Variants in LINGO2 observed in about 807,000 individuals in gnomAD.
The protein encoded by LINGO2 is leucine rich repeat and Ig domain containing 2.
LINGO2 carries 14 observed loss-of-function variants against 30.6 expected under a neutral mutation model. The ratio of observed to expected loss-of-function variants is 0.46; its 90% CI spans 0.30 to 0.72. LINGO2 has a LOEUF of 0.72. LINGO2 is among the 30% of genes least tolerant of loss of function. The pLI, the probability that LINGO2 is intolerant of heterozygous loss-of-function variation, is 0.07. For missense variants in LINGO2, 729 were observed against 751.7 expected (o/e 0.97, Z 0.35); for synonymous variants, 317 against 288.5 (o/e 1.10, Z -1.00).
chr9:28,955,824 G>A, the LINGO2 span, among the ~76,000 whole-genome samples: 1 of 152,026 alleles, frequency 6.6e-6, no homozygotes, highest in Non-Finnish European at 1.5e-5. Context: ...ATGTATGTAT[G>A]TAGAGATAAG....
At chr9:27,983,501 A>T (rs993424754) in intron 5 of LINGO2, among the ~76,000 whole-genome samples, 1 of 151,922 alleles carries the variant, frequency 6.6e-6, no homozygotes, top group Non-Finnish European at 1.5e-5. Context: ...CCCTGTTGGT[A>T]GGTACCAGAG....
chr9:28,554,526 T>G, intron 1 of LINGO2, among the ~76,000 whole-genome samples: 1 of 146,702 alleles, frequency 6.8e-6, no homozygotes, highest in Admixed American at 6.8e-5. Context: ...ACAAAGAGAC[T>G]TAGACTCCCA....
intron 1 of LINGO2, among the ~76,000 whole-genome samples, chr9:28,652,433 C>T (rs982497817): frequency 2.6e-5 from 4 of 152,080 alleles, no homozygotes; most frequent in Admixed American, 6.6e-5. Context: ...TTCAACAACT[C>T]CAACTTAAGG....
chr9:28,015,142 T>C lies in LINGO2; in HGVS notation c.-86-2737A>G, dbSNP rs140391884. ...AATCGTCCACGCTACTCAGTCCTTA[T>C]TCAAGATCCTTTAACAAAATGGAAA... On this transcript the variant is annotated intron_variant, in intron 4 of 5. Transcript: ENST00000379992. 5.1e-3 allele frequency among the ~76,000 whole-genome samples: 771 copies of C among 152,272 alleles called. 5 individuals are homozygous for C. The highest frequency in any genetic ancestry group is 0.017 in the African/African-American group (719 of 41,568).
the LINGO2 span, among the ~76,000 whole-genome samples, chr9:29,106,140 T>A: frequency 2.6e-5 from 4 of 152,180 alleles, no homozygotes; most frequent in African/African-American, 9.6e-5. Context: ...GGGATCAAGT[T>A]TTTATACTTT....
the LINGO2 span, among the ~76,000 whole-genome samples, chr9:29,006,652 T>C: frequency 3.3e-5 from 5 of 152,238 alleles, no homozygotes; most frequent in South Asian, 1.0e-3. Flanking sequence ...CTTTTTCTTG[T>C]AGCAACAGCA....
chr9:28,645,830 G>C (rs2135952115), intron 1 of LINGO2, among the ~76,000 whole-genome samples: 1 of 152,102 alleles, frequency 6.6e-6, no homozygotes, highest in Middle Eastern at 3.4e-3. Context: ...CCTTCAGCTG[G>C]CTTCAGAAGT....
At chr9:28,272,332 C>A (rs1046550408) in intron 4 of LINGO2, among the ~76,000 whole-genome samples, 1 of 151,934 alleles carries the variant, frequency 6.6e-6, no homozygotes, top group Non-Finnish European at 1.5e-5. Context: ...AGCCTATGAA[C>A]TCTAGCTGAA....
At chr9:28,301,619 TC>T (rs1824146852) in intron 3 of LINGO2, among the ~76,000 whole-genome samples, 1 of 151,136 alleles carries the variant, frequency 6.6e-6, no homozygotes, top group South Asian at 2.1e-4. Flanking sequence ...TTTTAATTTT[TC>T]CAGCATTTTC....
At chr9:28,137,200 C>G (rs1325140260) in intron 4 of LINGO2, among the ~76,000 whole-genome samples, 1 of 91,406 alleles carries the variant, frequency 1.1e-5, no homozygotes, top group African/African-American at 4.3e-5. Flanking sequence ...AAATCCCTGA[C>G]ACACACACAC....
intron 4 of LINGO2, among the ~76,000 whole-genome samples, chr9:28,121,894 T>C (rs1435297971): frequency 1.3e-5 from 2 of 152,182 alleles, no homozygotes; most frequent in Non-Finnish European, 2.9e-5. Context: ...TAAAAATAAA[T>C]ATCTTGCAAA....
intron 4 of LINGO2, among the ~76,000 whole-genome samples, chr9:28,091,278 C>G (rs1490344177): frequency 6.6e-6 from 1 of 152,128 alleles, no homozygotes; most frequent in Admixed American, 6.6e-5. Context: ...GCCAAAAGAA[C>G]AAAGCTGGAG....
chr9:28,356,147 A>G (rs1214003476), intron 3 of LINGO2, among the ~76,000 whole-genome samples: 1 of 152,190 alleles, frequency 6.6e-6, no homozygotes, highest in East Asian at 1.9e-4. Context: ...TTGTCATACA[A>G]CTGCCACAAA....
At chr9:28,131,054 T>G (rs1827365404) in intron 4 of LINGO2, among the ~76,000 whole-genome samples, 1 of 151,940 alleles carries the variant, frequency 6.6e-6, no homozygotes, top group African/African-American at 2.4e-5. Flanking sequence ...TCCCCTTATC[T>G]CCTCATAATG....
chr9:29,138,974 T>C, the LINGO2 span, among the ~76,000 whole-genome samples: 80 of 152,274 alleles, frequency 5.3e-4, no homozygotes, highest in African/African-American at 1.9e-3. Context: ...AAATAATGCA[T>C]ATTACTTCCG....
chr9:28,850,115 A>T, the LINGO2 span, among the ~76,000 whole-genome samples: 1 of 152,010 alleles, frequency 6.6e-6, no homozygotes, highest in Non-Finnish European at 1.5e-5. Context: ...AATTAAATGG[A>T]AATTTATATT....
the LINGO2 span, among the ~76,000 whole-genome samples, chr9:28,781,252 A>C: frequency 2.0e-5 from 3 of 152,118 alleles, no homozygotes; most frequent in Non-Finnish European, 4.4e-5. Flanking sequence ...ACAGTGCTCA[A>C]ATACAGGCAG....
At chr9:28,791,906 G>A in the LINGO2 span, among the ~76,000 whole-genome samples, 2 of 151,128 alleles carry the variant, frequency 1.3e-5, no homozygotes, top group Admixed American at 6.6e-5. Flanking sequence ...GGATATTACA[G>A]GAATATATTA....
chr9:28,971,970 A>G, the LINGO2 span, among the ~76,000 whole-genome samples: 1 of 152,164 alleles, frequency 6.6e-6, no homozygotes, highest in East Asian at 1.9e-4. Flanking sequence ...GTTTGTTTGG[A>G]AGAAAGTAAG....
Sources: allele counts gnomAD v4.1 joint callset (sites outside exome capture counted in the v4.1 genomes callset), GRCh38; gene constraint gnomAD v4.1.1; transcripts MANE v1.5; gene names NCBI Gene and HGNC (gene_info 2026-07-23, HGNC 2026-07-21).